Variants in HHAT observed in about 807,000 individuals in gnomAD.
The protein encoded by HHAT is hedgehog acyltransferase.
HHAT carries 47 observed loss-of-function variants against 70.8 expected under a neutral mutation model. The observed-to-expected ratio is 0.66, with a 90% CI of 0.53 to 0.85. The LOEUF is 0.85. HHAT is among the 40% of genes least tolerant of loss of function. The probability of loss-of-function intolerance (pLI) is 0.00; values close to 1 mark genes in which losing one functional copy is unlikely to be tolerated. For synonymous variants in HHAT, 228 were observed against 247.6 expected (o/e 0.92, Z 0.74); for missense variants, 609 against 604.8 (o/e 1.01, Z -0.07).
At chr1:210,449,742 A>G (rs775768383) in intron 7 of HHAT, among the ~76,000 whole-genome samples, 1 of 152,220 alleles carries the variant, frequency 6.6e-6, no homozygotes, top group Admixed American at 6.5e-5. Context: ...TGAGTTATGT[A>G]AGTGCTGACC....
intron 9 of HHAT, among the ~76,000 whole-genome samples, chr1:210,529,661 T>A (rs551456019): frequency 2.0e-5 from 3 of 152,120 alleles, no homozygotes. Flanking sequence ...AAGAGCATCG[T>A]GGGAATGACA....
intron 4 of HHAT, among the ~76,000 whole-genome samples, chr1:210,388,472 G>A: frequency 6.6e-6 from 1 of 152,090 alleles, no homozygotes; most frequent in Non-Finnish European, 1.5e-5. Flanking sequence ...CCTGAAAATT[G>A]GCGTTTCCTG....
chr1:210,447,630 G>A (rs1477091267), intron 7 of HHAT, among the ~76,000 whole-genome samples: 1 of 152,214 alleles, frequency 6.6e-6, no homozygotes, highest in East Asian at 1.9e-4. Flanking sequence ...GTCATGTCAG[G>A]TGGCAGAATA....
chr1:210,459,541 A>G (rs1479603330), intron 7 of HHAT, among the ~76,000 whole-genome samples: 1 of 152,174 alleles, frequency 6.6e-6, no homozygotes, highest in African/African-American at 2.4e-5. Context: ...AGGAAGTATG[A>G]TGAGAGAGGA....
intron 1 of HHAT, among the ~76,000 whole-genome samples, chr1:210,345,199 T>A (rs562064975): frequency 6.6e-6 from 1 of 152,240 alleles, no homozygotes; most frequent in East Asian, 1.9e-4. Flanking sequence ...TGGCATCCTG[T>A]CCAGGGCTGG....
chr1:210,531,256 CATT>C (rs1268643035), intron 9 of HHAT, among the ~76,000 whole-genome samples: 2 of 151,126 alleles, frequency 1.3e-5, no homozygotes, highest in Admixed American at 1.3e-4. Flanking sequence ...TTGACTGAAT[CATT>C]ATGTAATGCA....
Position 210,394,229 on chromosome 1 carries a change from C to CTTTTTTTTT in HHAT, c.274-6212_274-6204dup, listed in dbSNP as rs59554789. 4.3e-4 allele frequency among the ~76,000 whole-genome samples: 50 copies of CTTTTTTTTT among 116,260 alleles called. 1 individual carries two copies. The highest frequency in any genetic ancestry group is 1.2e-3 in the East Asian group (3 of 2,412). The allele number at this position is 116,260 out of a possible 152,430, so 76.3% of individuals were successfully genotyped here. ...TTTTATTTTCAAAAGCATGATCTAT[C>CTTTTTTTTT]TTTTTTTTTTTTTTTTTTTTTTTTT... On this transcript the variant is annotated intron_variant, in intron 4 of 11. Transcript: ENST00000261458.
At chr1:210,449,461 C>T (rs535618230) in intron 7 of HHAT, among the ~76,000 whole-genome samples, 1 of 152,216 alleles carries the variant, frequency 6.6e-6, no homozygotes, top group African/African-American at 2.4e-5. Context: ...ACACTTTTTC[C>T]TCCCCAGCTG....
chr1:210,623,009 A>C (rs1264373440), intron 10 of HHAT, among the ~76,000 whole-genome samples: 1 of 152,246 alleles, frequency 6.6e-6, no homozygotes, highest in African/African-American at 2.4e-5. Context: ...GTTCCACCTC[A>C]AAGAAACAAC....
intron 8 of HHAT, among the ~76,000 whole-genome samples, chr1:210,465,405 C>T (rs1054088263): frequency 6.6e-6 from 1 of 152,150 alleles, no homozygotes; most frequent in Non-Finnish European, 1.5e-5. Context: ...CAGAGTGTAA[C>T]AAGTGACAGG....
At chr1:210,548,275 T>C (rs1266786672) in intron 9 of HHAT, among the ~76,000 whole-genome samples, 6 of 152,228 alleles carry the variant, frequency 3.9e-5, no homozygotes, top group African/African-American at 9.6e-5. Context: ...CCTTGGCCTA[T>C]GTTAATGTCC....
At chr1:210,632,698 T>C (rs1189222592) in intron 11 of HHAT, among the ~76,000 whole-genome samples, 1 of 152,242 alleles carries the variant, frequency 6.6e-6, no homozygotes, top group Non-Finnish European at 1.5e-5. Context: ...GTTTGGGGGC[T>C]GCTTTTCATT....
intron 9 of HHAT, among the ~76,000 whole-genome samples, chr1:210,565,036 C>A (rs1257805116): frequency 6.6e-6 from 1 of 152,068 alleles, no homozygotes; most frequent in Non-Finnish European, 1.5e-5. Context: ...AAGAACCAGT[C>A]AGATAAGTTG....
intron 7 of HHAT, among the ~76,000 whole-genome samples, chr1:210,459,616 C>T (rs2093938874): frequency 6.6e-6 from 1 of 152,140 alleles, no homozygotes; most frequent in Non-Finnish European, 1.5e-5. Context: ...CTGACCTCTT[C>T]ACCCCCTTCA....
chr1:210,367,052 A>G (rs970546779), intron 3 of HHAT, among the ~76,000 whole-genome samples: 20 of 152,224 alleles, frequency 1.3e-4, no homozygotes, highest in African/African-American at 3.6e-4. Flanking sequence ...TTCCTATGCT[A>G]GTTTCTCCTA....
At chr1:210,342,708 C>G (rs148035797) in intron 1 of HHAT, among the ~76,000 whole-genome samples, 1 of 152,288 alleles carries the variant, frequency 6.6e-6, no homozygotes, top group African/African-American at 2.4e-5. Context: ...TGATTTCAGC[C>G]TGATTGCTCT....
At chr1:210,613,059 G>A (rs182788645) in intron 10 of HHAT, among the ~76,000 whole-genome samples, 1 of 152,152 alleles carries the variant, frequency 6.6e-6, no homozygotes, top group African/African-American at 2.4e-5. Flanking sequence ...TCCCATTCCT[G>A]GGTTGTCTTT....
At chr1:210,509,774 A>G (rs2094923854) in intron 8 of HHAT, among the ~76,000 whole-genome samples, 1 of 152,188 alleles carries the variant, frequency 6.6e-6, no homozygotes, top group Admixed American at 6.5e-5. Flanking sequence ...TGCCTTTCTC[A>G]CATGATCCAA....
intron 7 of HHAT, among the ~76,000 whole-genome samples, chr1:210,456,519 C>T (rs906029549): frequency 1.3e-5 from 2 of 152,198 alleles, no homozygotes; most frequent in Admixed American, 6.5e-5. Context: ...TTGTTTAGAG[C>T]ATATTATTGC....
Sources: gnomAD v4.1 joint callset for allele counts (sites outside exome capture counted in the v4.1 genomes callset) on GRCh38, gnomAD v4.1.1 for gene constraint, MANE v1.5 for transcripts, NCBI Gene and HGNC (gene_info 2026-07-23, HGNC 2026-07-21) for gene names.